The following XNDC1N variants were observed in gnomAD, a reference collection of about 807,000 sequenced individuals.
The protein encoded by XNDC1N is XRCC1 N-terminal domain containing 1, N-terminal like.
chr11:71,921,036 G>C, the XNDC1N span, among the ~76,000 whole-genome samples: 1 of 152,088 alleles, frequency 6.6e-6, no homozygotes, highest in Admixed American at 6.6e-5. Flanking sequence ...CCAGGGTGGA[G>C]TGTAGGGATA....
At chr11:71,898,717 A>G in the XNDC1N span, among the ~76,000 whole-genome samples, 18 of 152,292 alleles carry the variant, frequency 1.2e-4, no homozygotes, top group South Asian at 4.1e-4. Context: ...GTGGGCGAGA[A>G]AGAGGAGTGG....
the XNDC1N span, among the ~76,000 whole-genome samples, chr11:71,911,273 C>G: frequency 1.2e-4 from 19 of 152,248 alleles, no homozygotes; most frequent in Non-Finnish European, 2.8e-4. Flanking sequence ...AGACTTTGCT[C>G]TGTGAAAATC....
At chr11:71,869,844 G>A in the XNDC1N span, among the ~76,000 whole-genome samples, 1 of 152,152 alleles carries the variant, frequency 6.6e-6, no homozygotes, top group Non-Finnish European at 1.5e-5. Flanking sequence ...TTCTTGTGCT[G>A]CTTCTTTTTA....
chr11:71,895,475 ATTTTTTTTTT>A, the XNDC1N span, among the ~76,000 whole-genome samples: 474 of 98,412 alleles, frequency 4.8e-3, 1 homozygote, highest in African/African-American at 0.011. Flanking sequence ...ATGCCTGGCT[ATTTTTTTTTT>A]TTTTTTTTTT....
chr11:71,880,218 A>G, the XNDC1N span, among the ~76,000 whole-genome samples: 3 of 152,178 alleles, frequency 2.0e-5, no homozygotes, highest in Admixed American at 6.5e-5. Context: ...ATTATAAAGT[A>G]TTGGTGGATT....
the XNDC1N span, among the ~76,000 whole-genome samples, chr11:71,908,058 A>G: frequency 6.6e-6 from 1 of 152,174 alleles, no homozygotes; most frequent in African/African-American, 2.4e-5. Flanking sequence ...ATAGAACGTA[A>G]TATCATGCTC....
chr11:71,887,458 C>T, the XNDC1N span, among the ~76,000 whole-genome samples: 557 of 152,062 alleles, frequency 3.7e-3, no homozygotes, highest in African/African-American at 0.013. Flanking sequence ...TGTGGTCCCC[C>T]GAGAGGAGGA....
At chr11:71,926,950 AAAT>A in the XNDC1N span, among the ~76,000 whole-genome samples, 2 of 152,112 alleles carry the variant, frequency 1.3e-5, no homozygotes, top group African/African-American at 4.8e-5. Context: ...AATAAAAGAC[AAAT>A]AATTATACCT....
At chr11:71,885,803 C>T in the XNDC1N span, among the ~76,000 whole-genome samples, 3 of 151,812 alleles carry the variant, frequency 2.0e-5, no homozygotes, top group East Asian at 3.9e-4. Flanking sequence ...TTCTTAGGAG[C>T]TAATATTACT....
the XNDC1N span, among the ~76,000 whole-genome samples, chr11:71,890,832 G>A: frequency 6.6e-6 from 1 of 152,026 alleles, no homozygotes; most frequent in Non-Finnish European, 1.5e-5. Context: ...AGGAAGGGAT[G>A]TACAGACCCT....
At chr11:71,877,403 C>T in the XNDC1N span, among the ~76,000 whole-genome samples, 1,797 of 152,290 alleles carry the variant, frequency 0.012, 16 homozygotes, top group Non-Finnish European at 0.019. Flanking sequence ...TTCGGGAGGC[C>T]GAGGCATGTG....
At chr11:71,911,557 C>T in the XNDC1N span, among the ~76,000 whole-genome samples, 1 of 152,100 alleles carries the variant, frequency 6.6e-6, no homozygotes, top group Admixed American at 6.6e-5. Flanking sequence ...CACTTCAGGC[C>T]AGAAAGCTGA....
At chr11:71,914,035 G>A in the XNDC1N span, among the ~76,000 whole-genome samples, 1 of 152,338 alleles carries the variant, frequency 6.6e-6, no homozygotes, top group African/African-American at 2.4e-5. Flanking sequence ...TAAGCCAAGA[G>A]CTCTGATGGA....
the XNDC1N span, among the ~76,000 whole-genome samples, chr11:71,887,171 C>T: frequency 1.3e-5 from 2 of 152,138 alleles, no homozygotes; most frequent in Non-Finnish European, 2.9e-5. Context: ...GATAGCGGTG[C>T]TGAACATTCG....
the XNDC1N span, among the ~76,000 whole-genome samples, chr11:71,907,722 C>T: frequency 3.3e-5 from 5 of 152,042 alleles, no homozygotes; most frequent in East Asian, 3.9e-4. Flanking sequence ...CAGTTGGGGA[C>T]GTGTCCACTT....
the XNDC1N span, among the ~76,000 whole-genome samples, chr11:71,897,872 C>T: frequency 6.6e-6 from 1 of 152,218 alleles, no homozygotes; most frequent in African/African-American, 2.4e-5. Context: ...CAATGGAAGA[C>T]CATTCAGCCT....
At chr11:71,866,517 C>T in the XNDC1N span, among the ~76,000 whole-genome samples, 5 of 152,276 alleles carry the variant, frequency 3.3e-5, no homozygotes, top group Admixed American at 6.5e-5. Flanking sequence ...CACAGTGGCT[C>T]ACACCTGTAA....
the XNDC1N span, among the ~76,000 whole-genome samples, chr11:71,900,509 T>C: frequency 3.3e-5 from 5 of 152,254 alleles, no homozygotes; most frequent in South Asian, 4.1e-4. Flanking sequence ...CTGTGCAGTT[T>C]CTGTTCTTGG....
the XNDC1N span, among the ~76,000 whole-genome samples, chr11:71,906,944 C>T: frequency 1.3e-5 from 2 of 152,088 alleles, no homozygotes; most frequent in African/African-American, 4.8e-5. Flanking sequence ...TGTACAAACC[C>T]TGTGACATAA....
Sources: gnomAD v4.1 joint callset for allele counts (sites outside exome capture counted in the v4.1 genomes callset) on GRCh38, gnomAD v4.1.1 for gene constraint, MANE v1.5 for transcripts, NCBI Gene and HGNC (gene_info 2026-07-23, HGNC 2026-07-21) for gene names.